The following MDFIC2 variants were observed in gnomAD, a reference collection of about 807,000 sequenced individuals.
MDFIC2 encodes the protein myoD family inhibitor domain-containing protein 2.
chr3:70,306,424 A>T (rs778845153), intron 2 of MDFIC2, among the ~76,000 whole-genome samples: 5 of 152,196 alleles, frequency 3.3e-5, no homozygotes, highest in Non-Finnish European at 5.9e-5. Flanking sequence ...AATCGTTTTT[A>T]TATCATCAAA....
chr3:70,302,675 G>T (rs1702362821), intron 2 of MDFIC2: 1 of 152,156 alleles, frequency 6.6e-6, no homozygotes, highest in Non-Finnish European at 1.5e-5. Flanking sequence ...TCATAAAACT[G>T]CAATTAATAA....
At chr3:70,254,753 T>C (rs1392862960) in intron 2 of MDFIC2, among the ~76,000 whole-genome samples, 1 of 152,220 alleles carries the variant, frequency 6.6e-6, no homozygotes, top group East Asian at 1.9e-4. Context: ...ATAGAGATAT[T>C]CTATCACCTC....
intron 2 of MDFIC2, among the ~76,000 whole-genome samples, chr3:70,273,888 G>C (rs1349213111): frequency 6.6e-6 from 1 of 152,040 alleles, no homozygotes; most frequent in Non-Finnish European, 1.5e-5. Context: ...CTGAAGACTT[G>C]AACTCCTAGG....
chr3:70,223,932 A>AC (rs1432442411), intron 2 of MDFIC2, among the ~76,000 whole-genome samples: 1 of 150,566 alleles, frequency 6.6e-6, no homozygotes, highest in Non-Finnish European at 1.5e-5. Flanking sequence ...CTCTCCCCCC[A>AC]CCCTTTTGGT....
chr3:70,220,631 G>T (rs1425146589), intron 2 of MDFIC2, among the ~76,000 whole-genome samples: 1 of 152,098 alleles, frequency 6.6e-6, no homozygotes. Flanking sequence ...GAGGTGTTTG[G>T]TCTCCCTTTA....
intron 2 of MDFIC2, among the ~76,000 whole-genome samples, chr3:70,286,918 A>T (rs1226323708): frequency 6.6e-6 from 1 of 151,546 alleles, no homozygotes; most frequent in Non-Finnish European, 1.5e-5. Flanking sequence ...GTATCCTGAG[A>T]CTTTGCTGAA....
intron 3 of MDFIC2, among the ~76,000 whole-genome samples, chr3:70,198,236 T>C (rs905546576): frequency 2.0e-5 from 3 of 152,184 alleles, no homozygotes; most frequent in Non-Finnish European, 4.4e-5. Context: ...CTAGATGGGC[T>C]TATCAATTGA....
chr3:70,233,928 C>A (rs1036342330), intron 2 of MDFIC2, among the ~76,000 whole-genome samples: 12 of 152,140 alleles, frequency 7.9e-5, no homozygotes, highest in Non-Finnish European at 1.5e-4. Flanking sequence ...TTGGCTGTTG[C>A]AAATAAAGCT....
chr3:70,288,091 C>T (rs1231890235), intron 2 of MDFIC2, among the ~76,000 whole-genome samples: 1 of 147,868 alleles, frequency 6.8e-6, no homozygotes, highest in Non-Finnish European at 1.5e-5. Context: ...TAGTTCTTGC[C>T]TTCTGCTAGC....
chr3:70,291,982 A>T (rs1702243636), intron 2 of MDFIC2: 2 of 152,214 alleles, frequency 1.3e-5, no homozygotes, highest in Admixed American at 6.5e-5. Context: ...TTCATTAAGC[A>T]TTTCTATCAT....
At chr3:70,280,619 C>T (rs1702072656) in intron 2 of MDFIC2, among the ~76,000 whole-genome samples, 1 of 152,174 alleles carries the variant, frequency 6.6e-6, no homozygotes. Context: ...AAAGGTTCTT[C>T]TCTGTCCTCC....
At chr3:70,306,277 TA>T (rs1179086292) in intron 2 of MDFIC2, among the ~76,000 whole-genome samples, 1 of 152,092 alleles carries the variant, frequency 6.6e-6, no homozygotes, top group Non-Finnish European at 1.5e-5. Flanking sequence ...CTAGCCCGGC[TA>T]ATTTCTATAT....
chr3:70,280,745 C>T (rs111237428), intron 2 of MDFIC2, among the ~76,000 whole-genome samples: 1,642 of 152,200 alleles, frequency 0.011, 23 homozygotes, highest in African/African-American at 0.037. Flanking sequence ...TAGTTTCCCC[C>T]GCCTTTCTGT....
At chr3:70,277,615 C>G (rs77187356) in intron 2 of MDFIC2, among the ~76,000 whole-genome samples, 1 of 152,126 alleles carries the variant, frequency 6.6e-6, no homozygotes, top group Non-Finnish European at 1.5e-5. Flanking sequence ...TACTTCAAAA[C>G]TGCTACTTGG....
At chr3:70,291,801 A>G (rs888327597) in intron 2 of MDFIC2, 3 of 152,204 alleles carry the variant, frequency 2.0e-5, no homozygotes, top group African/African-American at 4.8e-5. Context: ...TTTGAATAAT[A>G]CATTGTCTTT....
At position 70,219,832 on chromosome 3, in the gene MDFIC2, A is replaced by G. The variant is rs527996675; in HGVS notation, c.89-13042T>C. ...TGATGGCAAAATGATGCCAAACTCA[A>G]AGGTCAGAACATACAGATCTCACCT... On this transcript the variant is annotated intron_variant, in intron 2 of 3. Transcript: ENST00000567252. 2.6e-5 allele frequency among the ~76,000 whole-genome samples: 4 copies of G among 152,248 alleles called. No individual in the cohort carries two copies. The East Asian group carries it at 5.8e-4, about 22-fold the overall frequency.
intron 2 of MDFIC2, among the ~76,000 whole-genome samples, chr3:70,233,820 C>T (rs1232674597): frequency 6.6e-6 from 1 of 152,154 alleles, no homozygotes; most frequent in African/African-American, 2.4e-5. Flanking sequence ...CATATCTAAA[C>T]AATTTTTTTT....
chr3:70,277,365 C>A (rs1410446492), intron 2 of MDFIC2, among the ~76,000 whole-genome samples: 1 of 152,042 alleles, frequency 6.6e-6, no homozygotes, highest in Non-Finnish European at 1.5e-5. Context: ...TGACTTTTTT[C>A]CCCCAGCACT....
chr3:70,301,503 G>A (rs1024361439), intron 2 of MDFIC2, among the ~76,000 whole-genome samples: 12 of 152,022 alleles, frequency 7.9e-5, no homozygotes, highest in African/African-American at 2.9e-4. Flanking sequence ...GAATCTCTGT[G>A]TATTCCTTGT....
Sources: allele counts gnomAD v4.1 joint callset (sites outside exome capture counted in the v4.1 genomes callset), GRCh38; gene constraint gnomAD v4.1.1; transcripts MANE v1.5; gene names NCBI Gene and HGNC (gene_info 2026-07-23, HGNC 2026-07-21).